SBF2: variants seen among roughly 807,000 people sequenced by gnomAD.
SBF2 encodes myotubularin-related protein 13.
Under a neutral mutation model 225.2 loss-of-function variants are expected in SBF2, and 112 were observed. That is an observed-to-expected ratio of 0.50 (90% CI 0.43 to 0.58). The LOEUF (loss-of-function observed/expected upper bound fraction) is 0.58, where lower values mean the gene tolerates loss of function less well. Among genes scored for constraint, SBF2 ranks in the 20% least tolerant of loss-of-function variants. The pLI is 0.00. For synonymous variants in SBF2, 763 were observed against 773.3 expected (o/e 0.99, Z 0.22); for missense variants, 1,996 against 2,206.2 (o/e 0.90, Z 1.91).
chr11:10,054,943 C>T (rs1002973511), intron 2 of SBF2, among the ~76,000 whole-genome samples: 4 of 151,816 alleles, frequency 2.6e-5, no homozygotes, highest in Non-Finnish European at 5.9e-5. Flanking sequence ...ACAGTCTTGC[C>T]CTGTCACCCA....
Position 9,845,692 on chromosome 11 carries a change from T to C in SBF2, c.2983A>G (p.Ile995Val). ...AACTTCATCAGCTGTTTCTTAAAGA[T>C]CTCTACTACTTCTGGACTGACTTCT... ...DEEVSPEVVE[I>V]FKKQLMKFRY... is the part of the protein sequence containing the mutation. Residue 995 changes from isoleucine to valine, a missense_variant, in exon 24 of 40, where the codon ATC (isoleucine) becomes GTC (valine). Ile to Val is a conservative substitution (Grantham distance 29). Coordinates refer to ENST00000256190, the MANE Select transcript of SBF2 (RefSeq NM_030962.4). 10 of 1,613,966 alleles carry C rather than the reference T, an allele frequency of 6.2e-6. No individual in the cohort carries two copies. The highest frequency in any genetic ancestry group is 7.6e-6 in the Non-Finnish European group (9 of 1,179,846).
intron 16 of SBF2, among the ~76,000 whole-genome samples, chr11:9,930,070 G>A (rs1392700811): frequency 6.6e-6 from 1 of 151,956 alleles, no homozygotes; most frequent in African/African-American, 2.4e-5. Context: ...GGGTTGACAG[G>A]TGCAGCAAAC....
Position 9,846,505 on chromosome 11 carries a change from C to T in SBF2, c.2934+451G>A, listed in dbSNP as rs1160882447. On this transcript the variant is annotated intron_variant, in intron 23 of 39. Coordinates refer to ENST00000256190, the MANE Select transcript of SBF2 (RefSeq NM_030962.4). ...TACAAAGTTCTGATACAGTCATAAA[C>T]CCCTGGAAAACCTCTTGCTTTATCA... is the stretch of plus-strand genomic sequence containing the variant. Among the ~76,000 whole-genome samples the T allele has an allele frequency of 3.3e-5, 5 of 152,216 alleles. No individual in the cohort carries two copies. The East Asian group carries it at 7.7e-4, about 23-fold the overall frequency.
chr11:10,022,373 T>TG (rs1388318263), intron 6 of SBF2, among the ~76,000 whole-genome samples: 2 of 152,192 alleles, frequency 1.3e-5, no homozygotes, highest in East Asian at 3.8e-4. Flanking sequence ...ATCTGTATTT[T>TG]GCTTAAATAC....
chr11:9,880,222 G>A (rs1859645212), intron 17 of SBF2, among the ~76,000 whole-genome samples: 2 of 152,080 alleles, frequency 1.3e-5, no homozygotes, highest in South Asian at 4.1e-4. Context: ...GCTAAAAGCT[G>A]GAGGTTGTGA....
intron 2 of SBF2, among the ~76,000 whole-genome samples, chr11:10,167,290 A>G (rs10500718): frequency 0.096 from 14,636 of 152,276 alleles, 966 homozygotes; most frequent in East Asian, 0.29. Context: ...TATTTTCTTC[A>G]GTAATTTGTT....
intron 28 of SBF2, 37 bp downstream of exon 28, chr11:9,829,319 A>G (rs1855243551): frequency 2.5e-6 from 4 of 1,607,714 alleles, no homozygotes; most frequent in Non-Finnish European, 3.4e-6. Context: ...ACCTTTCATT[A>G]GAAGCTGTCA....
intron 32 of SBF2, among the ~76,000 whole-genome samples, chr11:9,802,530 C>G (rs1230616605): frequency 6.6e-6 from 1 of 152,178 alleles, no homozygotes; most frequent in Admixed American, 6.5e-5. Flanking sequence ...GAACACATTC[C>G]ATCTGGGAAA....
chr11:9,836,774 AG>A (rs1287872193), intron 26 of SBF2, among the ~76,000 whole-genome samples: 7 of 152,142 alleles, frequency 4.6e-5, no homozygotes. Context: ...TTCCATGTAG[AG>A]GTCTTGCACT....
At chr11:9,853,485 C>A in intron 20 of SBF2, 55 bp downstream of exon 20, 1 of 1,513,806 alleles carries the variant, frequency 6.6e-7, no homozygotes, top group Non-Finnish European at 9.2e-7. Context: ...AGGTTTTATG[C>A]TGAAACTCAA....
chr11:10,287,453 T>C (rs1963875250), intron 1 of SBF2, among the ~76,000 whole-genome samples: 1 of 152,104 alleles, frequency 6.6e-6, no homozygotes, highest in African/African-American at 2.4e-5. Context: ...GGCTATTTTT[T>C]TTTTTCAAAG....
intron 6 of SBF2, 133 bp from the exon 7 acceptor site, chr11:10,002,822 T>G (rs1394971893): frequency 1.2e-6 from 1 of 804,354 alleles, no homozygotes; most frequent in Admixed American, 2.2e-5. Flanking sequence ...GGTTAAACTG[T>G]AAATTCCATA....
intron 2 of SBF2, among the ~76,000 whole-genome samples, chr11:10,094,651 C>T (rs964082319): frequency 1.3e-5 from 2 of 149,704 alleles, no homozygotes; most frequent in Non-Finnish European, 3.0e-5. Flanking sequence ...TACAGGTGCC[C>T]GCCACGACGC....
intron 32 of SBF2, among the ~76,000 whole-genome samples, chr11:9,805,811 ATGG>A (rs1245138500): frequency 6.6e-6 from 1 of 151,978 alleles, no homozygotes; most frequent in East Asian, 1.9e-4. Context: ...TTTAGTAGAG[ATGG>A]GGTTTCACCA....
rs181238806 is a variant in SBF2 at position 9,780,749 on chromosome 11, G to A, written c.5452-233C>T. 7.8e-4 allele frequency: 408 copies of A among 526,084 alleles called. 3 individuals carry two copies. The highest frequency in any genetic ancestry group is 3.0e-4 in the Non-Finnish European group (89 of 291,890). 32.6% of individuals were successfully genotyped at this position (526,084 alleles called of 1,614,324 possible). ...CAGGAAAGGGAGACACACTGGGAGCGCCTTATTTTGCATTTTCTTAGTGTC... is the reference window on the plus strand; with the variant it reads ...CAGGAAAGGGAGACACACTGGGAGCACCTTATTTTGCATTTTCTTAGTGTC... On this transcript the variant is annotated intron_variant, in intron 39 of 39. Coordinates refer to ENST00000256190, the MANE Select transcript of SBF2 (RefSeq NM_030962.4).
intron 26 of SBF2, among the ~76,000 whole-genome samples, chr11:9,834,433 A>T (rs554357884): frequency 1.3e-5 from 2 of 152,292 alleles, no homozygotes; most frequent in Admixed American, 6.5e-5. Flanking sequence ...TGCAACTACC[A>T]CCACTATCCA....
intron 29 of SBF2, among the ~76,000 whole-genome samples, chr11:9,813,061 G>T (rs1452929492): frequency 1.3e-5 from 2 of 152,162 alleles, no homozygotes; most frequent in African/African-American, 4.8e-5. Flanking sequence ...GAACCTGGAA[G>T]TTTAAAGAGA....
intron 6 of SBF2, among the ~76,000 whole-genome samples, chr11:10,022,578 T>C (rs1481684650): frequency 6.6e-6 from 1 of 152,028 alleles, no homozygotes; most frequent in African/African-American, 2.4e-5. Context: ...TAAAAGCCCC[T>C]GGAAGCCCCT....
intron 16 of SBF2, among the ~76,000 whole-genome samples, chr11:9,940,035 C>G (rs1259375958): frequency 1.3e-5 from 2 of 152,188 alleles, no homozygotes; most frequent in South Asian, 2.1e-4. Flanking sequence ...AACATTAGAT[C>G]ATGCCACATT....
Sources: allele counts gnomAD v4.1 joint callset (sites outside exome capture counted in the v4.1 genomes callset), GRCh38; gene constraint gnomAD v4.1.1; transcripts MANE v1.5; gene names NCBI Gene and HGNC (gene_info 2026-07-23, HGNC 2026-07-21).